The following TMEM132B variants were observed in gnomAD, a reference collection of about 807,000 sequenced individuals.
TMEM132B encodes transmembrane protein 132B.
In TMEM132B, 18 loss-of-function variants were observed where a neutral mutation model predicts 90.8. That is an observed-to-expected ratio of 0.20 (90% confidence interval 0.14 to 0.29). The LOEUF (loss-of-function observed/expected upper bound fraction) is 0.29. TMEM132B is among the 10% of genes least tolerant of loss of function. The pLI is 1.00. For missense variants in TMEM132B, 1,096 were observed against 1,326.8 expected (o/e 0.83, Z 2.70); for synonymous variants, 504 against 523.3 (o/e 0.96, Z 0.50).
intron 3 of TMEM132B, among the ~76,000 whole-genome samples, chr12:125,496,530 A>G (rs920845993): frequency 3.3e-5 from 5 of 152,076 alleles, no homozygotes; most frequent in South Asian, 2.1e-4. Context: ...TTGTTGTTGC[A>G]AGCAGTAGAG....
chr12:125,319,983 C>T (rs942697497), intron 1 of TMEM132B, among the ~76,000 whole-genome samples: 9 of 151,828 alleles, frequency 5.9e-5, no homozygotes, highest in South Asian at 4.2e-4. Flanking sequence ...TGCCATTGCA[C>T]GCCGGCCTGG....
chr12:125,505,185 A>AC (rs1485045165), intron 3 of TMEM132B, among the ~76,000 whole-genome samples: 1 of 121,652 alleles, frequency 8.2e-6, no homozygotes, highest in Non-Finnish European at 1.8e-5. Context: ...AAAAAAAAAA[A>AC]AAAAAAAAAA....
intron 5 of TMEM132B, among the ~76,000 whole-genome samples, chr12:125,595,869 G>A (rs1185543999): frequency 5.2e-5 from 6 of 114,562 alleles, no homozygotes; most frequent in East Asian, 4.9e-4. Flanking sequence ...TTCTCAGGGC[G>A]GCTTTTTTTT....
chr12:125,190,146 C>T (rs1053935453), intron 1 of TMEM132B, among the ~76,000 whole-genome samples: 2 of 152,084 alleles, frequency 1.3e-5, no homozygotes, highest in Non-Finnish European at 2.9e-5. Context: ...TGTTCAGGGT[C>T]ACACAGTGAA....
At chr12:125,240,891 C>T (rs567148187) in intron 1 of TMEM132B, among the ~76,000 whole-genome samples, 88 of 152,304 alleles carry the variant, frequency 5.8e-4, no homozygotes, top group African/African-American at 2.1e-3. Flanking sequence ...CCATGCCTGA[C>T]GGAGAGCACG....
chr12:125,194,416 C>T (rs1212501096), intron 1 of TMEM132B, among the ~76,000 whole-genome samples: 1 of 152,082 alleles, frequency 6.6e-6, no homozygotes, highest in Non-Finnish European at 1.5e-5. Flanking sequence ...AGCAAATGGA[C>T]ACATGAAAAT....
intron 2 of TMEM132B, among the ~76,000 whole-genome samples, chr12:125,403,209 G>A (rs1189729157): frequency 6.6e-6 from 1 of 152,308 alleles, no homozygotes; most frequent in Admixed American, 6.5e-5. Context: ...GCTGCTGAGT[G>A]ACATTATCTA....
intron 5 of TMEM132B, among the ~76,000 whole-genome samples, chr12:125,593,061 A>G (rs1885355264): frequency 6.6e-6 from 1 of 152,216 alleles, no homozygotes; most frequent in Non-Finnish European, 1.5e-5. Flanking sequence ...TTATGTAAAA[A>G]CACCATTATT....
intron 3 of TMEM132B, among the ~76,000 whole-genome samples, chr12:125,443,230 C>T (rs1880920381): frequency 6.6e-6 from 1 of 152,166 alleles, no homozygotes; most frequent in Non-Finnish European, 1.5e-5. Context: ...GCAGGAGACC[C>T]AGGTGTGAGG....
Position 125,584,144 on chromosome 12 carries a change from G to A in TMEM132B, c.1437+150G>A, listed in dbSNP as rs1041978768. 151 of 1,106,642 alleles carry A rather than the reference G, an allele frequency of 1.4e-4. 2 individuals are homozygous for A. Among genetic ancestry groups the A allele is most frequent in the South Asian group, 1.1e-3 (84 of 74,236 alleles). 68.6% of individuals were successfully genotyped at this position (1,106,642 alleles called of 1,614,324 possible). A position where few individuals can be genotyped will look rare whatever the true frequency, so the allele number is the denominator to read the frequency against. On this transcript the variant is annotated intron_variant, in intron 5 of 8. Coordinates refer to ENST00000682704, the MANE Select transcript of TMEM132B (RefSeq NM_001366854.1). ...CTCACGAAGGAGGAAACAGCTGACC[G>A]CAGAGACTCCCTGGAATCAGCAGGC...
chr12:125,634,956 G>A (rs1320360910), intron 5 of TMEM132B, among the ~76,000 whole-genome samples: 1 of 152,124 alleles, frequency 6.6e-6, no homozygotes, highest in African/African-American at 2.4e-5. Flanking sequence ...GTGCCCCCAG[G>A]TCCACTGGCC....
In TMEM132B at chr12:125,406,141, A is replaced by T. The variant is rs1306734663; in HGVS notation, c.960-9390A>T. Among the ~76,000 whole-genome samples the T allele has an allele frequency of 6.6e-6, 1 of 152,196 alleles. No individual in the cohort carries two copies. Among genetic ancestry groups the T allele is most frequent in the African/African-American group, 2.4e-5 (1 of 41,452 alleles). ...ATATGCTTAACTAGATCTTTTTGCT[A>T]GTGAATTTCCAGTAGACTGTGAGTA... On this transcript the variant is annotated intron_variant, in intron 2 of 8. Coordinates refer to ENST00000682704, the MANE Select transcript of TMEM132B (RefSeq NM_001366854.1). The surrounding 1 kb of genome is among the most constrained non-coding windows in gnomAD (Gnocchi z 8.3).
chr12:125,525,132 G>A (rs1261865901), intron 4 of TMEM132B, among the ~76,000 whole-genome samples: 1 of 152,120 alleles, frequency 6.6e-6, no homozygotes, highest in Non-Finnish European at 1.5e-5. Flanking sequence ...GAAGGGGGCA[G>A]CAGAACACTC....
chr12:125,393,143 G>T (rs1040232510), intron 2 of TMEM132B, among the ~76,000 whole-genome samples: 5 of 152,198 alleles, frequency 3.3e-5, no homozygotes, highest in African/African-American at 1.2e-4. Flanking sequence ...TTTGATATCA[G>T]TTTGTTGGTT....
chr12:125,398,529 G>C (rs190267054), intron 2 of TMEM132B, among the ~76,000 whole-genome samples: 1 of 152,200 alleles, frequency 6.6e-6, no homozygotes, highest in Non-Finnish European at 1.5e-5. Flanking sequence ...AGGGACTGGC[G>C]GTGGGGGGGA....
chr12:125,543,526 C>T (rs1364529026), intron 4 of TMEM132B, among the ~76,000 whole-genome samples: 1 of 152,152 alleles, frequency 6.6e-6, no homozygotes, highest in African/African-American at 2.4e-5. Flanking sequence ...AGTTCTGGAT[C>T]CTGGAGCCAA....
At chr12:125,613,264 A>T (rs911018842) in intron 5 of TMEM132B, among the ~76,000 whole-genome samples, 3 of 140,286 alleles carry the variant, frequency 2.1e-5, no homozygotes, top group African/African-American at 7.9e-5. Context: ...TTTATGGGGT[A>T]CATGAGATAC....
chr12:125,226,858 C>T (rs1873691842), intron 1 of TMEM132B, among the ~76,000 whole-genome samples: 1 of 152,128 alleles, frequency 6.6e-6, no homozygotes, highest in Admixed American at 6.5e-5. Context: ...GGAGAGTTCT[C>T]TAGGATTAGA....
chr12:125,354,592 AG>A (rs1264631292), intron 2 of TMEM132B, among the ~76,000 whole-genome samples: 1 of 152,200 alleles, frequency 6.6e-6, no homozygotes, highest in Non-Finnish European at 1.5e-5. Context: ...AATGCTAAAA[AG>A]GGAGTTTAGA....
Sources: gnomAD v4.1 joint callset for allele counts (sites outside exome capture counted in the v4.1 genomes callset) on GRCh38, gnomAD v4.1.1 for gene constraint, Gnocchi (gnomAD v3.1) non-coding constraint, MANE v1.5 for transcripts, NCBI Gene and HGNC (gene_info 2026-07-23, HGNC 2026-07-21) for gene names.